MEOX2: variants seen among roughly 807,000 people sequenced by gnomAD.
MEOX2 encodes mesenchyme homeobox 2.
MEOX2 carries 11 observed loss-of-function variants against 27.0 expected under a neutral mutation model. The observed-to-expected ratio is 0.41, with a 90% CI of 0.26 to 0.68. MEOX2 has a LOEUF of 0.68. MEOX2 is among the 30% of genes least tolerant of loss of function. MEOX2 has a pLI of 0.33. For synonymous variants in MEOX2, 189 were observed against 155.4 expected (o/e 1.22, Z -1.61); for missense variants, 436 against 385.4 (o/e 1.13, Z -1.10).
chr7:15,651,231 A>G (rs2115377119), intron 1 of MEOX2, among the ~76,000 whole-genome samples: 1 of 152,130 alleles, frequency 6.6e-6, no homozygotes, highest in East Asian at 1.9e-4. Flanking sequence ...ACTTTCCCTC[A>G]ATACTGCTAT....
At chr7:15,633,435 C>T (rs1781432480) in intron 1 of MEOX2, among the ~76,000 whole-genome samples, 1 of 151,852 alleles carries the variant, frequency 6.6e-6, no homozygotes, top group African/African-American at 2.4e-5. Context: ...TGTGACATTT[C>T]TAATTTACAG....
chr7:15,650,398 T>C (rs1339188866), intron 1 of MEOX2, among the ~76,000 whole-genome samples: 3 of 152,090 alleles, frequency 2.0e-5, no homozygotes, highest in Non-Finnish European at 4.4e-5. Flanking sequence ...AATATCTTAG[T>C]GCAATTCACA....
At chr7:15,661,840 G>A (rs1378809094) in intron 1 of MEOX2, among the ~76,000 whole-genome samples, 1 of 152,166 alleles carries the variant, frequency 6.6e-6, no homozygotes, top group Non-Finnish European at 1.5e-5. Flanking sequence ...AAATTATTCA[G>A]TAACAGATAA....
rs540063984 is a variant in MEOX2, at chr7:15,611,505, G to C, written c.*882C>G. ...CTGTCATACAAAGCTCTTTCTGCAA[G>C]GTAACTGATTTGCCTATGATCCTAA... On this transcript the variant is annotated 3_prime_UTR_variant, in exon 3 of 3. Coordinates refer to ENST00000262041, the MANE Select transcript of MEOX2 (RefSeq NM_005924.5). 1.7e-3 allele frequency: 266 copies of C among 152,718 alleles called. 2 individuals carry two copies. The highest frequency in any genetic ancestry group is 2.3e-3 in the Non-Finnish European group (159 of 68,022). 9.5% of individuals were successfully genotyped at this position (152,718 alleles called of 1,614,324 possible).
chr7:15,677,192 A>G (rs1224535667), intron 1 of MEOX2, among the ~76,000 whole-genome samples: 1 of 152,244 alleles, frequency 6.6e-6, no homozygotes, highest in Non-Finnish European at 1.5e-5. Flanking sequence ...AGGTAGCATA[A>G]AATAGATTAT....
chr7:15,626,659 T>C (rs931153806), intron 2 of MEOX2, 87 bp downstream of exon 2: 6 of 939,356 alleles, frequency 6.4e-6, no homozygotes, highest in Admixed American at 2.2e-5. Context: ...TCAAGAATTC[T>C]GGATCTAGGT....
At chr7:15,661,063 C>CAT (rs1781909743) in intron 1 of MEOX2, among the ~76,000 whole-genome samples, 1 of 134,698 alleles carries the variant, frequency 7.4e-6, no homozygotes, top group Admixed American at 7.6e-5. Flanking sequence ...AGAAAGGAAG[C>CAT]ATTAGGATAC....
At chr7:15,660,913 T>C (rs1413504043) in intron 1 of MEOX2, among the ~76,000 whole-genome samples, 5 of 142,640 alleles carry the variant, frequency 3.5e-5, no homozygotes, top group Non-Finnish European at 7.5e-5. Context: ...CTCGGGAGGC[T>C]GAGGTGGGAG....
intron 1 of MEOX2, among the ~76,000 whole-genome samples, chr7:15,643,118 A>G (rs1781588669): frequency 6.6e-6 from 1 of 152,184 alleles, no homozygotes; most frequent in Non-Finnish European, 1.5e-5. Flanking sequence ...TGAGTTCCCT[A>G]CAATCATGCC....
At chr7:15,657,810 G>C (rs976987804) in intron 1 of MEOX2, among the ~76,000 whole-genome samples, 13 of 152,160 alleles carry the variant, frequency 8.5e-5, no homozygotes, top group African/African-American at 2.9e-4. Flanking sequence ...GATAGTTTTA[G>C]TATTATGTAT....
intron 1 of MEOX2, among the ~76,000 whole-genome samples, chr7:15,678,337 T>C (rs1782235874): frequency 6.6e-6 from 1 of 152,202 alleles, no homozygotes; most frequent in Admixed American, 6.5e-5. Flanking sequence ...GCATTATTTA[T>C]ATGGTTCTTT....
chr7:15,657,966 G>T (rs1258958643), intron 1 of MEOX2, among the ~76,000 whole-genome samples: 1 of 152,230 alleles, frequency 6.6e-6, no homozygotes, highest in Admixed American at 6.5e-5. Context: ...TACATCAAAA[G>T]TGGAGAAGGT....
At position 15,612,360 on chromosome 7, in the gene MEOX2, G is replaced by C; in HGVS notation, c.*27C>G. 6.3e-7 allele frequency: 1 copy of C among 1,579,250 alleles called. No homozygotes were observed. Among genetic ancestry groups the C allele is most frequent in the South Asian group, 1.1e-5 (1 of 90,416 alleles). ...CTTGCCATCACAACATTTCTTTCCT[G>C]AGAATGGAGCTGGTCCTCTGTTTAT... On this transcript the variant is annotated 3_prime_UTR_variant, in exon 3 of 3. Transcript: ENST00000262041.
chr7:15,615,950 C>A (rs925209335), intron 2 of MEOX2, among the ~76,000 whole-genome samples: 1 of 151,864 alleles, frequency 6.6e-6, no homozygotes, highest in African/African-American at 2.4e-5. Context: ...CTGTTATGGG[C>A]AATTCTAAAT....
rs534593518 is a variant in MEOX2, at chr7:15,685,882, T to C, written c.517+4A>G. 1 of 1,587,786 alleles carries C rather than the reference T, an allele frequency of 6.3e-7. No individual in the cohort carries two copies. The highest frequency in any genetic ancestry group is 1.7e-5 in the Admixed American group (1 of 57,928). On this transcript the variant is annotated splice_donor_region_variant and intron_variant, in intron 1 of 2. Transcript: ENST00000262041. Reference sequence around the variant, plus strand: ...ACTCTCGAGGGTGCCTGGCGCGCCCTTACCTGAGCTGTCGCTTTTCCTCTT... The same window carrying C: ...ACTCTCGAGGGTGCCTGGCGCGCCCCTACCTGAGCTGTCGCTTTTCCTCTT...
chr7:15,626,605 C>T (rs3779406), intron 2 of MEOX2, 141 bp downstream of exon 2: 332,545 of 499,630 alleles, frequency 0.67, 112,547 homozygotes, highest in East Asian at 0.83. Context: ...ATTTTGCTGG[C>T]AAAATTTTAT....
chr7:15,626,846 T>C lies in MEOX2; in HGVS notation c.590A>G (p.Glu197Gly). Residue 197 changes from glutamate (E) to glycine (G), a missense_variant, in exon 2 of 3, where the codon GAG becomes GGG. Physicochemically the swap from Glu to Gly is moderately conservative, Grantham distance 98. Transcript: ENST00000262041. Reference protein sequence around the residue: ...PRKERTAFTKEQIRELEAEFA... With the variant: ...PRKERTAFTKGQIRELEAEFA... Reference sequence around the variant, plus strand: ...TTCTGCTTCAAGTTCTCTGATTTGCTCTTTGGTAAATGCTGTCCTTTCTTT... The same window carrying C: ...TTCTGCTTCAAGTTCTCTGATTTGCCCTTTGGTAAATGCTGTCCTTTCTTT... 1 of 1,612,038 alleles carries C rather than the reference T, an allele frequency of 6.2e-7. No homozygotes were observed. The highest frequency in any genetic ancestry group is 1.1e-5 in the South Asian group (1 of 90,966).
chr7:15,674,908 T>C (rs995691286), intron 1 of MEOX2, among the ~76,000 whole-genome samples: 1 of 152,150 alleles, frequency 6.6e-6, no homozygotes, highest in African/African-American at 2.4e-5. Flanking sequence ...GCAAAAAGAC[T>C]ATATTAAATT....
At chr7:15,653,904 T>C (rs1583771154) in intron 1 of MEOX2, among the ~76,000 whole-genome samples, 1 of 152,146 alleles carries the variant, frequency 6.6e-6, no homozygotes, top group African/African-American at 2.4e-5. Flanking sequence ...TTCTAGTGTC[T>C]CTGCTTTTCA....
Sources: gnomAD v4.1 joint callset for allele counts (sites outside exome capture counted in the v4.1 genomes callset) on GRCh38, gnomAD v4.1.1 for gene constraint, MANE v1.5 for transcripts, NCBI Gene and HGNC (gene_info 2026-07-23, HGNC 2026-07-21) for gene names.